The following KLHL1 variants were observed in gnomAD, a reference collection of about 807,000 sequenced individuals.
KLHL1 encodes the protein kelch like family member 1.
In KLHL1, 47 loss-of-function variants were observed where a neutral mutation model predicts 77.7. That is an observed-to-expected ratio of 0.60 (90% CI 0.48 to 0.77). KLHL1 has a LOEUF of 0.77. Ranked by LOEUF, KLHL1 falls within the 30% of genes least tolerant of loss-of-function variation. The pLI, the probability that KLHL1 is intolerant of heterozygous loss-of-function variation, is 0.00. For synonymous variants in KLHL1, 360 were observed against 325.2 expected, an observed-to-expected ratio of 1.11 and a Z score of -1.15; for missense variants, 925 against 910.8, an observed-to-expected ratio of 1.02 and a Z score of -0.20.
At chr13:69,724,883 C>A (rs1445753521) in intron 8 of KLHL1, among the ~76,000 whole-genome samples, 3 of 151,962 alleles carry the variant, frequency 2.0e-5, no homozygotes, top group Admixed American at 6.6e-5. Flanking sequence ...CCAAATTTGC[C>A]CAGTAAAAAA....
chr13:70,099,696 C>A (rs1045701065), intron 1 of KLHL1, among the ~76,000 whole-genome samples: 3 of 151,740 alleles, frequency 2.0e-5, no homozygotes, highest in Non-Finnish European at 4.4e-5. Context: ...AGCTTTTTGT[C>A]CCATAATAAC....
chr13:69,797,201 A>G (rs949676830), intron 6 of KLHL1, among the ~76,000 whole-genome samples: 2 of 152,236 alleles, frequency 1.3e-5, no homozygotes, highest in African/African-American at 2.4e-5. Flanking sequence ...TAATGGTCTC[A>G]TGCTAAACTA....
chr13:69,729,767 GA>G lies in KLHL1; in HGVS notation c.1803-10187del, dbSNP rs202109762. 5.2e-3 allele frequency among the ~76,000 whole-genome samples: 788 copies of G among 151,196 alleles called. 3 individuals are homozygous for G. The highest frequency in any genetic ancestry group is 0.016 in the African/African-American group (677 of 41,258). ...AAAGCTCTACTAACTCAATTTAAAG[GA>G]AAAAAAATCAAGTAAAAAATGGAGC... On this transcript the variant is annotated intron_variant, in intron 8 of 10. Transcript: ENST00000377844.
chr13:69,979,670 A>G (rs892272933), intron 1 of KLHL1, among the ~76,000 whole-genome samples: 1 of 152,266 alleles, frequency 6.6e-6, no homozygotes, highest in African/African-American at 2.4e-5. Flanking sequence ...TCCCTTATAC[A>G]ATGATCTGAA....
chr13:69,952,862 C>T (rs774317413), intron 3 of KLHL1, among the ~76,000 whole-genome samples: 1 of 151,254 alleles, frequency 6.6e-6, no homozygotes, highest in Admixed American at 6.6e-5. Flanking sequence ...GGTTGTTTTG[C>T]TTGTTTATAT....
chr13:69,792,441 C>A (rs951794267), intron 7 of KLHL1, among the ~76,000 whole-genome samples: 1 of 152,128 alleles, frequency 6.6e-6, no homozygotes, highest in African/African-American at 2.4e-5. Flanking sequence ...TACCCTTATA[C>A]GTTGCTGGTG....
At chr13:69,761,125 G>A (rs192493870) in intron 7 of KLHL1, among the ~76,000 whole-genome samples, 40 of 152,264 alleles carry the variant, frequency 2.6e-4, no homozygotes, top group African/African-American at 9.4e-4. Context: ...AATTAAATTT[G>A]AAAATGTTTA....
At chr13:70,067,813 A>T (rs1254145588) in intron 1 of KLHL1, among the ~76,000 whole-genome samples, 1 of 152,090 alleles carries the variant, frequency 6.6e-6, no homozygotes, top group Non-Finnish European at 1.5e-5. Flanking sequence ...CACCATAACC[A>T]TTATGCCATC....
chr13:69,994,526 C>A (rs925848156), intron 1 of KLHL1, among the ~76,000 whole-genome samples: 3 of 152,062 alleles, frequency 2.0e-5, no homozygotes, highest in Non-Finnish European at 4.4e-5. Context: ...TCTATTTATG[C>A]CCAAAGGGAA....
chr13:70,072,978 T>C (rs1887172617), intron 1 of KLHL1, among the ~76,000 whole-genome samples: 1 of 152,130 alleles, frequency 6.6e-6, no homozygotes, highest in Non-Finnish European at 1.5e-5. Context: ...AAAAACTAGT[T>C]TGACCATTGT....
In KLHL1 at chr13:69,764,929, C is replaced by CTTTTTTTTTTTTTTTTTTTTTTTTTTTTT. The variant is rs71196263; in HGVS notation, c.1640-24402_1640-24374dup. On this transcript the variant is annotated intron_variant, in intron 7 of 10. Coordinates refer to ENST00000377844, the MANE Select transcript of KLHL1 (RefSeq NM_020866.3). ...TCTCATGCTTTCATGTATATCTTTG[C>CTTTTTTTTTTTTTTTTTTTTTTTTTTTTT]TTTTTTTTTTTTTTTTTTTTTTTTT... Among the ~76,000 whole-genome samples the CTTTTTTTTTTTTTTTTTTTTTTTTTTTTT allele has an allele frequency of 2.8e-4, 11 of 39,726 alleles. 3 individuals are homozygous for CTTTTTTTTTTTTTTTTTTTTTTTTTTTTT. Among genetic ancestry groups the CTTTTTTTTTTTTTTTTTTTTTTTTTTTTT allele is most frequent in the East Asian group, 1.3e-3 (1 of 798 alleles). 26.1% of individuals were successfully genotyped at this position (39,726 alleles called of 152,430 possible). A position where few individuals can be genotyped will look rare whatever the true frequency, so the allele number is the denominator to read the frequency against.
At chr13:69,966,385 C>G (rs1172802813) in intron 2 of KLHL1, among the ~76,000 whole-genome samples, 1 of 152,088 alleles carries the variant, frequency 6.6e-6, no homozygotes. Flanking sequence ...GCCTGGACGA[C>G]AGCACATCGT....
At chr13:69,985,934 G>A (rs147257428) in intron 1 of KLHL1, among the ~76,000 whole-genome samples, 22,907 of 147,806 alleles carry the variant, frequency 0.15, 3,759 homozygotes, top group African/African-American at 0.42. Flanking sequence ...AAATATATAT[G>A]TATTATTTAA....
chr13:70,053,160 T>C (rs1218534117), intron 1 of KLHL1, among the ~76,000 whole-genome samples: 1 of 151,944 alleles, frequency 6.6e-6, no homozygotes, highest in Non-Finnish European at 1.5e-5. Context: ...CATACAGAAT[T>C]TCAAAAAATA....
intron 4 of KLHL1, among the ~76,000 whole-genome samples, chr13:69,908,077 A>G (rs986819972): frequency 1.3e-5 from 2 of 152,100 alleles, no homozygotes; most frequent in Admixed American, 1.3e-4. Context: ...GTTGTCATAT[A>G]CAGAGATTGA....
At chr13:70,032,326 A>G (rs1454813194) in intron 1 of KLHL1, among the ~76,000 whole-genome samples, 1 of 152,208 alleles carries the variant, frequency 6.6e-6, no homozygotes, top group Non-Finnish European at 1.5e-5. Context: ...CCTTCAGTAT[A>G]AAGAAGAGAA....
At chr13:69,875,029 C>T (rs975801123) in intron 5 of KLHL1, among the ~76,000 whole-genome samples, 31 of 151,976 alleles carry the variant, frequency 2.0e-4, no homozygotes, top group African/African-American at 7.2e-4. Context: ...ATTTTCTCCA[C>T]CAAAAATATA....
At chr13:70,043,895 C>G (rs1201614650) in intron 1 of KLHL1, among the ~76,000 whole-genome samples, 1 of 152,210 alleles carries the variant, frequency 6.6e-6, no homozygotes, top group Non-Finnish European at 1.5e-5. Flanking sequence ...AACTCCACCA[C>G]TTCTAATCTG....
chr13:69,997,297 T>C (rs1324712486), intron 1 of KLHL1, among the ~76,000 whole-genome samples: 4 of 151,934 alleles, frequency 2.6e-5, no homozygotes, highest in African/African-American at 9.7e-5. Flanking sequence ...TTTTAATTAG[T>C]TAATATTTTG....
Sources: allele counts gnomAD v4.1 joint callset (sites outside exome capture counted in the v4.1 genomes callset), GRCh38; gene constraint gnomAD v4.1.1; transcripts MANE v1.5; gene names NCBI Gene and HGNC (gene_info 2026-07-23, HGNC 2026-07-21).